The following ARL15 variants were observed in gnomAD, a reference collection of about 807,000 sequenced individuals.
ARL15 encodes ARF like GTPase 15.
A neutral mutation model predicts 25.2 loss-of-function variants in ARL15; 19 were observed. The observed-to-expected ratio is 0.75, with a 90% CI of 0.53 to 1.10. The LOEUF (loss-of-function observed/expected upper bound fraction) is 1.10, where lower values mean the gene tolerates loss of function less well. Among genes scored for constraint, ARL15 ranks in the 50% least tolerant of loss-of-function variants. The pLI, the probability that ARL15 is intolerant of heterozygous loss-of-function variation, is 0.00. For missense variants in ARL15, 220 were observed against 246.0 expected (o/e 0.89, Z 0.71); for synonymous variants, 94 against 86.8 (o/e 1.08, Z -0.46).
At chr5:53,997,513 A>T (rs888145126) in intron 4 of ARL15, among the ~76,000 whole-genome samples, 3 of 152,216 alleles carry the variant, frequency 2.0e-5, no homozygotes, top group Non-Finnish European at 4.4e-5. Flanking sequence ...GATAATTTTC[A>T]ATAATGATCC....
chr5:54,051,780 C>T (rs141977616), intron 4 of ARL15, among the ~76,000 whole-genome samples: 3 of 152,290 alleles, frequency 2.0e-5, no homozygotes, highest in African/African-American at 4.8e-5. Context: ...CCAACAATCA[C>T]GCTACTAGGT....
chr5:54,154,754 C>T (rs908106085), intron 2 of ARL15, 115 bp from the exon 3 acceptor site: 1 of 611,148 alleles, frequency 1.6e-6, no homozygotes. Context: ...CTTTTTGTAG[C>T]TGATATTTAT....
intron 4 of ARL15, among the ~76,000 whole-genome samples, chr5:54,104,159 C>T (rs909982650): frequency 5.3e-5 from 8 of 152,170 alleles, no homozygotes; most frequent in Non-Finnish European, 8.8e-5. Flanking sequence ...TTCTGGTGTG[C>T]TCTGTCTGCT....
At chr5:54,081,165 A>AT (rs1411106149) in intron 4 of ARL15, among the ~76,000 whole-genome samples, 1 of 152,168 alleles carries the variant, frequency 6.6e-6, no homozygotes, top group Non-Finnish European at 1.5e-5. Flanking sequence ...TAAATCAAAA[A>AT]TTATGTCCTA....
chr5:53,904,454 G>C (rs945325238), intron 4 of ARL15, among the ~76,000 whole-genome samples: 11 of 152,156 alleles, frequency 7.2e-5, no homozygotes, highest in African/African-American at 2.7e-4. Context: ...ACTTAATAAA[G>C]GTGAGTCACT....
intron 1 of ARL15, among the ~76,000 whole-genome samples, chr5:54,221,355 A>G (rs1316665365): frequency 2.0e-5 from 3 of 152,224 alleles, no homozygotes; most frequent in Non-Finnish European, 2.9e-5. Flanking sequence ...CCCAGAATGA[A>G]GGGAAAATTC....
intron 1 of ARL15, among the ~76,000 whole-genome samples, chr5:54,227,483 G>C (rs1756557372): frequency 6.6e-6 from 1 of 152,182 alleles, no homozygotes; most frequent in African/African-American, 2.4e-5. Context: ...AGACTTGTGG[G>C]CCAGAAGACT....
intron 1 of ARL15, among the ~76,000 whole-genome samples, chr5:54,303,822 C>T (rs1379040442): frequency 6.6e-6 from 1 of 151,906 alleles, no homozygotes; most frequent in South Asian, 2.1e-4. Flanking sequence ...GGAATGTGCC[C>T]CCAAAAGTGA....
intron 3 of ARL15, among the ~76,000 whole-genome samples, chr5:54,141,509 C>T (rs1473553204): frequency 6.6e-6 from 1 of 151,942 alleles, no homozygotes; most frequent in Non-Finnish European, 1.5e-5. Context: ...TTTAATTTTG[C>T]AAGTTATAGA....
At chr5:54,104,283 G>A (rs1455445350) in intron 4 of ARL15, among the ~76,000 whole-genome samples, 2 of 152,040 alleles carry the variant, frequency 1.3e-5, no homozygotes, top group South Asian at 2.1e-4. Flanking sequence ...TTCTCTTGAG[G>A]TCTTTTATTA....
At chr5:54,183,635 C>T (rs1253963422) in intron 1 of ARL15, among the ~76,000 whole-genome samples, 2 of 151,576 alleles carry the variant, frequency 1.3e-5, no homozygotes, top group Non-Finnish European at 2.9e-5. Flanking sequence ...AATAGGAACA[C>T]TCTTACACTG....
chr5:54,203,174 C>T (rs760361000), intron 1 of ARL15, among the ~76,000 whole-genome samples: 1 of 152,096 alleles, frequency 6.6e-6, no homozygotes, highest in Non-Finnish European at 1.5e-5. Context: ...CTCAGCTCCC[C>T]ACTCCCCCCT....
chr5:54,163,018 C>T (rs962324924), intron 2 of ARL15, among the ~76,000 whole-genome samples: 1 of 152,134 alleles, frequency 6.6e-6, no homozygotes, highest in Admixed American at 6.5e-5. Flanking sequence ...TCCATTAACT[C>T]TGACAACAGC....
chr5:54,117,566 C>A (rs156831), intron 3 of ARL15, among the ~76,000 whole-genome samples: 133,927 of 152,204 alleles, frequency 0.88, 59,140 homozygotes, highest in East Asian at 0.98. Flanking sequence ...ATTTTATTAA[C>A]TTAGCTCTTA....
chr5:54,084,589 C>T (rs533908818), intron 4 of ARL15, among the ~76,000 whole-genome samples: 3 of 152,114 alleles, frequency 2.0e-5, no homozygotes, highest in Non-Finnish European at 2.9e-5. Flanking sequence ...TGTTTTTGTA[C>T]GACCCCCAGA....
chr5:54,191,827 C>T (rs542370629), intron 1 of ARL15, among the ~76,000 whole-genome samples: 5 of 152,132 alleles, frequency 3.3e-5, no homozygotes, highest in Non-Finnish European at 5.9e-5. Context: ...GCACAGTAGC[C>T]AGAGTGATCC....
chr5:54,113,876 G>A (rs1399165428), intron 3 of ARL15, among the ~76,000 whole-genome samples: 1 of 152,088 alleles, frequency 6.6e-6, no homozygotes, highest in East Asian at 1.9e-4. Context: ...AGAACTGCTT[G>A]CTGATCAGGA....
chr5:54,055,103 A>G (rs1471741528), intron 4 of ARL15, among the ~76,000 whole-genome samples: 1 of 152,144 alleles, frequency 6.6e-6, no homozygotes, highest in East Asian at 1.9e-4. Flanking sequence ...GAATATTTTT[A>G]TCACACTACA....
At chr5:54,000,113 G>A (rs905933520) in intron 4 of ARL15, among the ~76,000 whole-genome samples, 1 of 152,068 alleles carries the variant, frequency 6.6e-6, no homozygotes, top group African/African-American at 2.4e-5. Flanking sequence ...ACTGCAGACT[G>A]ATGTATTATG....
Sources: allele counts gnomAD v4.1 joint callset (sites outside exome capture counted in the v4.1 genomes callset), GRCh38; gene constraint gnomAD v4.1.1; transcripts MANE v1.5; gene names NCBI Gene and HGNC (gene_info 2026-07-23, HGNC 2026-07-21).